Variants in BSND observed in about 807,000 individuals in gnomAD.
The protein encoded by BSND is barttin.
BSND carries 13 observed loss-of-function variants against 18.8 expected under a neutral mutation model. The observed-to-expected ratio is 0.69, with a 90% confidence interval of 0.45 to 1.10. The LOEUF (loss-of-function observed/expected upper bound fraction) is 1.10, where lower values mean the gene tolerates loss of function less well. Among genes scored for constraint, BSND ranks in the 50% least tolerant of loss-of-function variants. BSND has a pLI of 0.00. For synonymous variants in BSND, 170 were observed against 161.8 expected (o/e 1.05, Z -0.39); for missense variants, 379 against 416.7 (o/e 0.91, Z 0.79).
Position 55,008,288 on chromosome 1 carries a change from G to A in BSND, c.623G>A (p.Gly208Asp). The part of the protein sequence containing the change: ...QDDLDMDSSE[G>D]SSPNASPHDR... The stretch of plus-strand genomic sequence containing the variant: ...GACCTGGACATGGACTCCAGTGAAG[G>A]CAGCAGCCCCAATGCATCTCCACAT... The change falls in exon 4 of 4, where the codon GGC (glycine) becomes GAC (aspartate). Residue 208 changes from glycine to aspartate, a missense_variant. Physicochemically the swap from Gly to Asp is moderately conservative, Grantham distance 94. Transcript: ENST00000651561. 2.5e-6 allele frequency: 4 copies of A among 1,614,220 alleles called. No individual in the cohort carries two copies. The highest frequency in any genetic ancestry group is 3.4e-6 in the Non-Finnish European group (4 of 1,180,042).
chr1:55,007,416 A>G (rs1644397463), intron 3 of BSND, 144 bp downstream of exon 3: 1 of 1,108,350 alleles, frequency 9.0e-7, no homozygotes, highest in Admixed American at 2.9e-5. Context: ...GAGATGTGGC[A>G]GATGTGGCAG....
chr1:55,001,245 T>TGTGTGTGTG (rs1644360233), intron 1 of BSND, among the ~76,000 whole-genome samples: 1 of 116,994 alleles, frequency 8.5e-6, no homozygotes, highest in African/African-American at 3.4e-5. Context: ...TGTGTGTGTG[T>TGTGTGTGTG]TGGGGGAGAC....
rs1386308157 is a variant in BSND at position 55,014,044 on chromosome 1, G to A, written c.*5416G>A. Among the ~76,000 whole-genome samples the A allele has an allele frequency of 1.3e-5, 2 of 152,120 alleles. No individual in the cohort carries two copies. The highest frequency in any genetic ancestry group is 4.8e-5 in the African/African-American group (2 of 41,418). ...GAATCCCTCCTAAACTGTGTGCCCC[G>A]CTCTGTCCCCAGCACTTCTGAATGA... On this transcript the variant is annotated 3_prime_UTR_variant, in exon 4 of 4. Coordinates refer to ENST00000651561, the MANE Select transcript of BSND (RefSeq NM_057176.3).
At position 55,010,868 on chromosome 1, in the gene BSND, A is replaced by G. The variant is rs975144740; in HGVS notation, c.*2240A>G. Reference sequence around the variant, plus strand: ...CAGCACTAAGGGCTAAAATAAAACTACTTTCAACATTTAAAGGGGTCATCT... The same window carrying G: ...CAGCACTAAGGGCTAAAATAAAACTGCTTTCAACATTTAAAGGGGTCATCT... On this transcript the variant is annotated 3_prime_UTR_variant, in exon 4 of 4. Transcript: ENST00000651561. 3 of 152,212 alleles carry G rather than the reference A, an allele frequency of 2.0e-5. No homozygotes were observed. Among genetic ancestry groups the G allele is most frequent in the African/African-American group, 7.2e-5 (3 of 41,436 alleles). The allele number at this position is 152,212 out of a possible 1,614,324, so 9.4% of individuals were successfully genotyped here.
rs541187864 is a variant in BSND at position 55,003,306 on chromosome 1, G to A, written c.178-1716G>A. On this transcript the variant is annotated intron_variant, in intron 1 of 3. Transcript: ENST00000651561. Reference sequence around the variant, plus strand: ...TGCAATCATAGCTCACTGCAGCCTCGAACTCCTGGGATCAACCAATCCTCC... The same window carrying A: ...TGCAATCATAGCTCACTGCAGCCTCAAACTCCTGGGATCAACCAATCCTCC... Among the ~76,000 whole-genome samples, 23 of 152,158 alleles carry A rather than the reference G, an allele frequency of 1.5e-4. No homozygotes were observed. In the South Asian group the frequency reaches 3.9e-3, roughly 26 times the overall value.
At chr1:55,000,225 C>T (rs1289195247) in intron 1 of BSND, among the ~76,000 whole-genome samples, 3 of 152,134 alleles carry the variant, frequency 2.0e-5, no homozygotes, top group Non-Finnish European at 4.4e-5. Context: ...CCATACTGAT[C>T]CTCCCAACAG....
At position 55,015,476 on chromosome 1, in the gene BSND, A is replaced by G. The variant is rs1644445194; in HGVS notation, c.*6848A>G. 6.6e-6 allele frequency among the ~76,000 whole-genome samples: 1 copy of G among 152,182 alleles called. No homozygotes were observed. The highest frequency in any genetic ancestry group is 2.1e-4 in the South Asian group (1 of 4,832). ...ACTCAGGAAGTCCCCAGGTCAGAAA[A>G]TGGGCCCCACTGGTGATTCTGCAGA... On this transcript the variant is annotated 3_prime_UTR_variant, in exon 4 of 4. Transcript: ENST00000651561.
intron 2 of BSND, among the ~76,000 whole-genome samples, chr1:55,006,182 G>A (rs2101648145): frequency 6.6e-6 from 1 of 152,300 alleles, no homozygotes; most frequent in Non-Finnish European, 1.5e-5. Flanking sequence ...TGCCTCAGTG[G>A]GAAGGAAGGG....
intron 2 of BSND, among the ~76,000 whole-genome samples, chr1:55,005,537 A>G (rs1570272753): frequency 6.6e-6 from 1 of 152,230 alleles, no homozygotes; most frequent in East Asian, 1.9e-4. Flanking sequence ...CCAGCAAGCT[A>G]CTGACCTCTC....
chr1:55,017,155 T>C lies in BSND; in HGVS notation c.*8527T>C, dbSNP rs545167572. On this transcript the variant is annotated 3_prime_UTR_variant, in exon 4 of 4. Transcript: ENST00000651561. ...TTCCTGGAACACAGTATCCTCTCAA[T>C]AAATTGTTGTTAAATGAGTGAGTGA... is the stretch of plus-strand genomic sequence containing the variant. Among the ~76,000 whole-genome samples, 23 of 152,356 alleles carry C rather than the reference T, an allele frequency of 1.5e-4. No individual in the cohort carries two copies. Among genetic ancestry groups the C allele is most frequent in the Admixed American group, 2.6e-4 (4 of 15,308 alleles).
At chr1:55,006,168 C>A (rs1304856852) in intron 2 of BSND, among the ~76,000 whole-genome samples, 29 of 152,188 alleles carry the variant, frequency 1.9e-4, no homozygotes, top group Non-Finnish European at 7.3e-5. Context: ...CCAAGGTGAA[C>A]AACTGCCTCA....
At chr1:55,006,164 T>G (rs1248564400) in intron 2 of BSND, among the ~76,000 whole-genome samples, 1 of 152,132 alleles carries the variant, frequency 6.6e-6, no homozygotes, top group African/African-American at 2.4e-5. Context: ...GCACCCAAGG[T>G]GAACAACTGC....
At position 55,008,240 on chromosome 1, in the gene BSND, C is replaced by A. The variant is rs770850590; in HGVS notation, c.575C>A (p.Ala192Asp). 6.2e-7 allele frequency: 1 copy of A among 1,614,170 alleles called. No homozygotes were observed. Among genetic ancestry groups the A allele is most frequent in the African/African-American group, 1.3e-5 (1 of 75,056 alleles). ...CCCCTGGCCTGTCCCCAGGGCCCTG[C>A]CCCCTTGGCTTCCTTCCAAGATGAC... is the stretch of plus-strand genomic sequence containing the variant. ...PGPLACPQGP[A>D]PLASFQDDLD... Residue 192 changes from alanine (A) to aspartate (D), a missense_variant, in exon 4 of 4, where the codon GCC becomes GAC. Coordinates refer to ENST00000651561, the MANE Select transcript of BSND (RefSeq NM_057176.3).
chr1:55,009,135 G>C lies in BSND; in HGVS notation c.*507G>C, dbSNP rs1644408751. ...CCAAAACCTTCTGTGACTGACCCCT[G>C]CTGACCTCATTCTCTCTGCTCCTCC... is the stretch of plus-strand genomic sequence containing the variant. On this transcript the variant is annotated 3_prime_UTR_variant, in exon 4 of 4. Transcript: ENST00000651561. 5.3e-6 allele frequency: 1 copy of C among 188,358 alleles called. No individual in the cohort carries two copies. Among genetic ancestry groups the C allele is most frequent in the Non-Finnish European group, 1.1e-5 (1 of 90,166 alleles). The allele number at this position is 188,358 out of a possible 1,614,324, so 11.7% of individuals were successfully genotyped here.
rs566596233 is a variant in BSND at position 55,007,406 on chromosome 1, G to A, written c.548+134G>A. On this transcript the variant is annotated intron_variant, in intron 3 of 3. Transcript: ENST00000651561. ...GGCAGTGGAGGGTGTGGGACACCCT[G>A]AGATGTGGCAGATGTGGCAGACAAA... The A allele has an allele frequency of 1.0e-5, 12 of 1,198,718 alleles. No homozygotes were observed. The African/African-American group carries it at 1.5e-4, about 15-fold the overall frequency. The allele number at this position is 1,198,718 out of a possible 1,614,324, so 74.3% of individuals were successfully genotyped here. A position where few individuals can be genotyped will look rare whatever the true frequency, so the allele number is the denominator to read the frequency against.
intron 1 of BSND, among the ~76,000 whole-genome samples, chr1:55,003,683 G>C (rs1380196566): frequency 6.6e-6 from 1 of 152,202 alleles, no homozygotes; most frequent in East Asian, 1.9e-4. Flanking sequence ...GCCGAGGAGA[G>C]CAAGACTCAG....
Position 55,009,670 on chromosome 1 carries a change from C to G in BSND, c.*1042C>G, listed in dbSNP as rs949290490. ...AAAGCCCCCAGAGGAACACCACCCC[C>G]CACCCCTGCCTCTGGAATACATTTG... On this transcript the variant is annotated 3_prime_UTR_variant, in exon 4 of 4. Transcript: ENST00000651561. The G allele has an allele frequency of 6.6e-6, 1 of 152,406 alleles. No homozygotes were observed. The highest frequency in any genetic ancestry group is 1.5e-5 in the Non-Finnish European group (1 of 68,112). 9.4% of individuals were successfully genotyped at this position (152,406 alleles called of 1,614,324 possible).
chr1:55,008,889 A>G lies in BSND; in HGVS notation c.*261A>G. ...AGGTTTGCAGCAGCTGAAGCCCTCA[A>G]AAGCATTTTCCACCTTCCCCCAAAG... On this transcript the variant is annotated 3_prime_UTR_variant, in exon 4 of 4. Coordinates refer to ENST00000651561, the MANE Select transcript of BSND (RefSeq NM_057176.3). 1 of 559,820 alleles carries G rather than the reference A, an allele frequency of 1.8e-6. No homozygotes were observed. The highest frequency in any genetic ancestry group is 3.3e-5 in the East Asian group (1 of 30,702). 34.7% of individuals were successfully genotyped at this position (559,820 alleles called of 1,614,324 possible).
At chr1:55,000,731 A>G (rs1434960823) in intron 1 of BSND, among the ~76,000 whole-genome samples, 1 of 152,214 alleles carries the variant, frequency 6.6e-6, no homozygotes, top group Non-Finnish European at 1.5e-5. Flanking sequence ...GTTTACAGTC[A>G]ACTTGCCTCT....
Sources: gnomAD v4.1 joint callset for allele counts (sites outside exome capture counted in the v4.1 genomes callset) on GRCh38, gnomAD v4.1.1 for gene constraint, MANE v1.5 for transcripts, NCBI Gene and HGNC (gene_info 2026-07-23, HGNC 2026-07-21) for gene names.